Variants in RBBP5 observed in about 807,000 individuals in gnomAD.
RBBP5 encodes retinoblastoma-binding protein 5.
Under a neutral mutation model 72.2 loss-of-function variants are expected in RBBP5, and 5 were observed. That is an observed-to-expected ratio of 0.07 (90% CI 0.04 to 0.15). The LOEUF (loss-of-function observed/expected upper bound fraction) is 0.15, where lower values mean the gene tolerates loss of function less well. RBBP5 is among the 10% of genes least tolerant of loss of function. RBBP5 has a pLI of 1.00. For missense variants in RBBP5, 322 were observed against 652.2 expected (o/e 0.49, Z 5.51); for synonymous variants, 209 against 237.2 (o/e 0.88, Z 1.09).
At chr1:205,101,117 T>C (rs991636153) in intron 6 of RBBP5, among the ~76,000 whole-genome samples, 6 of 152,204 alleles carry the variant, frequency 3.9e-5, no homozygotes, top group Non-Finnish European at 8.8e-5. Context: ...CTCTAAGTCA[T>C]GTATGGGTGT....
intron 1 of RBBP5, among the ~76,000 whole-genome samples, chr1:205,121,522 C>G (rs1656736718): frequency 6.6e-6 from 1 of 152,188 alleles, no homozygotes; most frequent in Non-Finnish European, 1.5e-5. Flanking sequence ...AGCTTCATCC[C>G]AAGCCTCACT....
intron 5 of RBBP5, among the ~76,000 whole-genome samples, chr1:205,102,637 C>G (rs1387863942): frequency 2.0e-5 from 3 of 152,120 alleles, no homozygotes; most frequent in Non-Finnish European, 4.4e-5. Context: ...CTGAACTGTA[C>G]AGTTAAATAT....
chr1:205,107,144 A>G (rs906241876), intron 3 of RBBP5, among the ~76,000 whole-genome samples: 1 of 152,112 alleles, frequency 6.6e-6, no homozygotes. Flanking sequence ...CTGTAGAACT[A>G]TAACAAAAGA....
intron 7 of RBBP5, 28 bp from the exon 8 acceptor site, chr1:205,100,092 A>G: frequency 6.2e-7 from 1 of 1,613,570 alleles, no homozygotes; most frequent in Non-Finnish European, 8.5e-7. Flanking sequence ...TACCAAGGAG[A>G]GCTGGAACTC....
At position 205,088,872 on chromosome 1, in the gene RBBP5, G is replaced by T. The variant is rs1450896626; in HGVS notation, c.1589-57C>A. On this transcript the variant is annotated intron_variant, in intron 13 of 13. Coordinates refer to ENST00000264515, the MANE Select transcript of RBBP5 (RefSeq NM_005057.4). ...TAGCTTCAATTTAGACCAGTTACTT[G>T]TAAGAACAGAAATACTGAATGCTGG... The T allele has an allele frequency of 3.9e-5, 57 of 1,460,334 alleles. No individual in the cohort carries two copies. The Admixed American group carries it at 1.2e-3, about 30-fold the overall frequency. The allele number at this position is 1,460,334 out of a possible 1,614,324, so 90.5% of individuals were successfully genotyped here.
intron 1 of RBBP5, among the ~76,000 whole-genome samples, chr1:205,117,154 C>T (rs909767256): frequency 6.6e-6 from 1 of 151,958 alleles, no homozygotes; most frequent in Non-Finnish European, 1.5e-5. Flanking sequence ...CAAGTTCAAG[C>T]GCTTCTCCTG....
At chr1:205,119,132 C>G (rs1405903350) in intron 1 of RBBP5, among the ~76,000 whole-genome samples, 1 of 152,194 alleles carries the variant, frequency 6.6e-6, no homozygotes, top group Non-Finnish European at 1.5e-5. Flanking sequence ...GTGGCTCACA[C>G]CTGTAATCCC....
At position 205,096,690 on chromosome 1, in the gene RBBP5, G is replaced by C. The variant is rs774772154; in HGVS notation, c.1388C>G (p.Pro463Arg). ...GAAGATGTAGCTCTTACCATCATTT[G>C]GTACTCCTTGAAGTTCTATATTGGT... ...KTTNIELQGV[P>R]NDEVHPLLGV... The change falls in exon 12 of 14, where the codon CCA (proline) becomes CGA (arginine). Residue 463 changes from proline (P) to arginine (R), a missense_variant. By Grantham distance (103) the Pro-to-Arg change is moderately radical. Coordinates refer to ENST00000264515, the MANE Select transcript of RBBP5 (RefSeq NM_005057.4). The C allele has an allele frequency of 1.2e-6, 2 of 1,613,664 alleles. No individual in the cohort carries two copies. Among genetic ancestry groups the C allele is most frequent in the South Asian group, 1.1e-5 (1 of 91,030 alleles).
intron 3 of RBBP5, 75 bp downstream of exon 3, chr1:205,114,714 C>T: frequency 7.8e-7 from 1 of 1,280,676 alleles, no homozygotes. Flanking sequence ...ATTAAAATAT[C>T]TACAATGAGA....
At chr1:205,107,188 G>A (rs1169274023) in intron 3 of RBBP5, among the ~76,000 whole-genome samples, 1 of 152,076 alleles carries the variant, frequency 6.6e-6, no homozygotes, top group Non-Finnish European at 1.5e-5. Context: ...CCTGGAAGGA[G>A]AGAATACAGA....
chr1:205,090,115 A>T (rs190273291), intron 13 of RBBP5, among the ~76,000 whole-genome samples: 1 of 152,184 alleles, frequency 6.6e-6, no homozygotes, highest in African/African-American at 2.4e-5. Flanking sequence ...CGGACTCCCA[A>T]AGTGCTGGGA....
At chr1:205,088,874 A>G (rs113706655) in intron 13 of RBBP5, 59 bp from the exon 14 acceptor site, 1 of 1,449,728 alleles carries the variant, frequency 6.9e-7, no homozygotes, top group South Asian at 1.3e-5. Context: ...AGTTACTTGT[A>G]AGAACAGAAA....
At chr1:205,108,202 C>G (rs1656159554) in intron 3 of RBBP5, among the ~76,000 whole-genome samples, 1 of 146,860 alleles carries the variant, frequency 6.8e-6, no homozygotes, top group South Asian at 2.1e-4. Context: ...GATATCGCAG[C>G]ATTGCACTCC....
At position 205,090,771 on chromosome 1, in the gene RBBP5, CTTAG is replaced by C. The variant is rs1469281567; in HGVS notation, c.1589-1960_1589-1957del. 6.6e-5 allele frequency among the ~76,000 whole-genome samples: 10 copies of C among 152,172 alleles called. No homozygotes were observed. The South Asian group carries it at 1.7e-3, about 25-fold the overall frequency. ...ACTGAATCATGATTTCAAACCCTAC[CTTAG>C]TTAGTTAATAACATCCCACAGAGTG... On this transcript the variant is annotated intron_variant, in intron 13 of 13. Transcript: ENST00000264515.
chr1:205,101,800 G>A (rs1655833318), intron 5 of RBBP5, 91 bp from the exon 6 acceptor site: 4 of 888,768 alleles, frequency 4.5e-6, no homozygotes, highest in Admixed American at 2.2e-5. Flanking sequence ...TAAAGACTGG[G>A]TAAAAATGCA....
chr1:205,097,021 T>G (rs1253671134), intron 11 of RBBP5, 110 bp from the exon 12 acceptor site: 3 of 973,386 alleles, frequency 3.1e-6, no homozygotes, highest in Non-Finnish European at 4.6e-6. Flanking sequence ...GGTATGGATC[T>G]AGAACTTTAA....
At position 205,100,168 on chromosome 1, in the gene RBBP5, G is replaced by A; in HGVS notation, c.736C>T (p.Gln246Ter). ...DGEPEPMQKLQDLVNRTPWKK... is the reference protein window; with the variant it reads ...DGEPEPMQKL ...GATACATACCTATTCACCAAATCCT[G>A]CAATTTCTGCATAGGTTCAGGCTCT... The change falls in exon 7 of 14, where the codon CAG becomes TAG. Residue 246 changes from glutamine to a stop codon, truncating the protein, a stop_gained. Transcript: ENST00000264515. LOFTEE classifies it high-confidence loss of function. 6.2e-7 allele frequency: 1 copy of A among 1,614,124 alleles called. No individual in the cohort carries two copies. Among genetic ancestry groups the A allele is most frequent in the Non-Finnish European group, 8.5e-7 (1 of 1,180,030 alleles).
Position 205,096,730 on chromosome 1 carries a change from T to C in RBBP5, c.1348A>G (p.Lys450Glu), listed in dbSNP as rs752567317. 1.2e-6 allele frequency: 2 copies of C among 1,614,190 alleles called. No individual in the cohort carries two copies. The highest frequency in any genetic ancestry group is 8.5e-7 in the Non-Finnish European group (1 of 1,180,030). The change falls in exon 12 of 14, where the codon AAG becomes GAG. Residue 450 changes from lysine (K) to glutamate (E), a missense_variant. Around this residue, in one of 6 missense-constraint regions of RBBP5, gnomAD observed 109 missense variants for 146.3 expected, o/e 0.75. Transcript: ENST00000264515. Reference sequence around the variant, plus strand: ...TCTATATTGGTTGTTTTGGGTTTCTTCTTAGGTGGCTGGGACCCATCTGCT... The same window carrying C: ...TCTATATTGGTTGTTTTGGGTTTCTCCTTAGGTGGCTGGGACCCATCTGCT... ...SSADGSQPPK[K>E]KPKTTNIELQ...
intron 5 of RBBP5, 100 bp from the exon 6 acceptor site, chr1:205,101,809 C>T: frequency 1.2e-6 from 1 of 803,738 alleles, no homozygotes; most frequent in Admixed American, 2.3e-5. Flanking sequence ...GGTAAAAATG[C>T]AAATGTCTCT....
Sources: gnomAD v4.1 joint callset for allele counts (sites outside exome capture counted in the v4.1 genomes callset) on GRCh38, gnomAD v4.1.1 for gene constraint, gnomAD v4.1.1 regional missense constraint, MANE v1.5 for transcripts, NCBI Gene and HGNC (gene_info 2026-07-23, HGNC 2026-07-21) for gene names.